Variants in ADGRF5 observed in about 807,000 individuals in gnomAD.
ADGRF5 encodes the protein adhesion G protein-coupled receptor F5, also known as G-protein coupled receptor 116.
A neutral mutation model predicts 132.3 loss-of-function variants in ADGRF5; 75 were observed. The observed-to-expected ratio is 0.57, with a 90% confidence interval of 0.47 to 0.69. The LOEUF is 0.69. Ranked by LOEUF, ADGRF5 falls within the 30% of genes least tolerant of loss-of-function variation. ADGRF5 has a pLI of 0.00. For missense variants in ADGRF5, 1,516 were observed against 1,630.6 expected (o/e 0.93, Z 1.21); for synonymous variants, 629 against 597.6 (o/e 1.05, Z -0.77).
At chr6:46,885,284 G>T (rs1292339639) in intron 4 of ADGRF5, among the ~76,000 whole-genome samples, 1 of 151,714 alleles carries the variant, frequency 6.6e-6, no homozygotes, top group Non-Finnish European at 1.5e-5. Flanking sequence ...GCTTTCATAT[G>T]ATGACAGCAC....
At chr6:46,945,137 T>C (rs1778254695) in intron 1 of ADGRF5, among the ~76,000 whole-genome samples, 1 of 152,232 alleles carries the variant, frequency 6.6e-6, no homozygotes, top group Non-Finnish European at 1.5e-5. Context: ...GTGTCACTCA[T>C]GACACATTTG....
At chr6:46,882,575 G>C (rs1772600540) in intron 6 of ADGRF5, among the ~76,000 whole-genome samples, 1 of 152,212 alleles carries the variant, frequency 6.6e-6, no homozygotes, top group Non-Finnish European at 1.5e-5. Context: ...TGCAGCCCTT[G>C]CTCCATTACA....
intron 10 of ADGRF5, among the ~76,000 whole-genome samples, chr6:46,872,731 C>T (rs2150815153): frequency 6.6e-6 from 1 of 152,210 alleles, no homozygotes; most frequent in East Asian, 1.9e-4. Context: ...TCTACAACAC[C>T]CTGTGGCTGA....
Position 46,881,600 on chromosome 6 carries a change from G to A in ADGRF5, c.672-3C>T, listed in dbSNP as rs761816517. ...ATGTCACAACCACACTTCCAGACCT[G>A]GACAGAGACCACTCAGTTCAGTAAA... On this transcript the variant is annotated splice_polypyrimidine_tract_variant and splice_region_variant and intron_variant, in intron 7 of 20. Coordinates refer to ENST00000283296, the MANE Select transcript of ADGRF5 (RefSeq NM_001098518.2). The A allele has an allele frequency of 1.3e-5, 21 of 1,613,112 alleles. No homozygotes were observed. The highest frequency in any genetic ancestry group is 5.0e-5 in the Admixed American group (3 of 59,964).
chr6:46,919,840 T>C (rs1190515718), intron 1 of ADGRF5, among the ~76,000 whole-genome samples: 1 of 152,220 alleles, frequency 6.6e-6, no homozygotes, highest in African/African-American at 2.4e-5. Context: ...AAAGTGTTCG[T>C]ATTATTCTTG....
chr6:46,906,976 A>G (rs1266866737), intron 1 of ADGRF5, among the ~76,000 whole-genome samples, 190 bp from the exon 2 acceptor site: 1 of 152,256 alleles, frequency 6.6e-6, no homozygotes, highest in Non-Finnish European at 1.5e-5. Flanking sequence ...AAATGGTCAC[A>G]GTAGGGGAAT....
At chr6:46,919,565 CAGTA>C (rs1343120613) in intron 1 of ADGRF5, among the ~76,000 whole-genome samples, 2 of 152,154 alleles carry the variant, frequency 1.3e-5, no homozygotes, top group African/African-American at 4.8e-5. Context: ...CCCCATAGCG[CAGTA>C]AGTGAGGTTA....
intron 12 of ADGRF5, among the ~76,000 whole-genome samples, chr6:46,867,669 C>T (rs939849752): frequency 3.9e-5 from 6 of 152,190 alleles, no homozygotes; most frequent in Non-Finnish European, 8.8e-5. Context: ...ACAGCACCTA[C>T]AGTTAAGTAA....
intron 9 of ADGRF5, among the ~76,000 whole-genome samples, chr6:46,878,726 T>C (rs1473895199): frequency 6.6e-6 from 1 of 152,060 alleles, no homozygotes; most frequent in Non-Finnish European, 1.5e-5. Context: ...AAAAGATGGG[T>C]AATATTGCCG....
chr6:46,897,099 C>T (rs1331904539), intron 3 of ADGRF5, among the ~76,000 whole-genome samples: 1 of 151,000 alleles, frequency 6.6e-6, no homozygotes, highest in Non-Finnish European at 1.5e-5. Flanking sequence ...CACACACACT[C>T]ATATACATGT....
At chr6:46,885,639 T>C (rs1410437631) in intron 4 of ADGRF5, among the ~76,000 whole-genome samples, 1 of 152,190 alleles carries the variant, frequency 6.6e-6, no homozygotes, top group Admixed American at 6.5e-5. Context: ...AACCTTGGCA[T>C]TGCAGTGAGT....
chr6:46,917,985 T>G (rs530503786), intron 1 of ADGRF5, among the ~76,000 whole-genome samples: 1 of 152,384 alleles, frequency 6.6e-6, no homozygotes, highest in Non-Finnish European at 1.5e-5. Flanking sequence ...CTGAGCTGAT[T>G]AAGAGAAAGG....
At chr6:46,854,868 C>T in intron 20 of ADGRF5, 1 of 531,380 alleles carries the variant, frequency 1.9e-6, no homozygotes, top group Non-Finnish European at 3.2e-6. Flanking sequence ...GAAGGTCCAC[C>T]AGTTTCATAA....
At chr6:46,928,507 T>G (rs890072424) in intron 1 of ADGRF5, among the ~76,000 whole-genome samples, 6 of 152,082 alleles carry the variant, frequency 3.9e-5, no homozygotes, top group Non-Finnish European at 1.5e-5. Flanking sequence ...CTCCATAGAC[T>G]CCCACCTTCT....
At chr6:46,902,188 T>C (rs973448808) in intron 2 of ADGRF5, among the ~76,000 whole-genome samples, 1 of 152,222 alleles carries the variant, frequency 6.6e-6, no homozygotes, top group African/African-American at 2.4e-5. Flanking sequence ...GGAGAATGCT[T>C]TGGCTTTCTG....
chr6:46,872,739 T>C (rs144006261), intron 10 of ADGRF5, among the ~76,000 whole-genome samples: 108 of 152,278 alleles, frequency 7.1e-4, no homozygotes, highest in African/African-American at 2.6e-3. Context: ...ACCCTGTGGC[T>C]GATTTTTCCT....
intron 1 of ADGRF5, among the ~76,000 whole-genome samples, chr6:46,953,626 A>AG (rs1778580479): frequency 8.1e-6 from 1 of 123,538 alleles, no homozygotes; most frequent in African/African-American, 3.0e-5. Flanking sequence ...CAGAAAAAAA[A>AG]AATTATATAT....
exon 1 of ADGRF5, chr6:46,954,910 G>A (rs1210658692): frequency 6.6e-6 from 1 of 151,512 alleles, no homozygotes; most frequent in Non-Finnish European, 1.5e-5. Flanking sequence ...TTCCCAGGCT[G>A]TCGGGAGCAG....
intron 1 of ADGRF5, among the ~76,000 whole-genome samples, chr6:46,937,928 A>G (rs568579848): frequency 4.6e-5 from 7 of 152,282 alleles, no homozygotes; most frequent in African/African-American, 7.2e-5. Context: ...GTAATTTAAA[A>G]CTTATAAATT....
Sources: allele counts gnomAD v4.1 joint callset (sites outside exome capture counted in the v4.1 genomes callset), GRCh38; gene constraint gnomAD v4.1.1; transcripts MANE v1.5; gene names NCBI Gene and HGNC (gene_info 2026-07-23, HGNC 2026-07-21).